The following DENND1B variants were observed in gnomAD, a reference collection of about 807,000 sequenced individuals.
DENND1B encodes DENN domain-containing protein 1B.
Under a neutral mutation model 90.1 loss-of-function variants are expected in DENND1B, and 59 were observed. The ratio of observed to expected loss-of-function variants is 0.65; its 90% CI spans 0.53 to 0.81. The LOEUF (loss-of-function observed/expected upper bound fraction) is 0.81. Among genes scored for constraint, DENND1B ranks in the 40% least tolerant of loss-of-function variants. The pLI, the probability that DENND1B is intolerant of heterozygous loss-of-function variation, is 0.00. For missense variants in DENND1B, 862 were observed against 912.6 expected, an observed-to-expected ratio of 0.94 and a Z score of 0.71; for synonymous variants, 337 against 324.6, an observed-to-expected ratio of 1.04 and a Z score of -0.41.
intron 10 of DENND1B, among the ~76,000 whole-genome samples, chr1:197,634,401 C>T (rs1235657944): frequency 6.6e-6 from 1 of 152,042 alleles, no homozygotes; most frequent in Non-Finnish European, 1.5e-5. Context: ...GTTAAGCATT[C>T]CTTAAATGAG....
At chr1:197,545,804 T>C (rs908317556) in intron 18 of DENND1B, 118 bp downstream of exon 18, 3 of 770,494 alleles carry the variant, frequency 3.9e-6, no homozygotes, top group Non-Finnish European at 5.9e-6. Context: ...TTAATCCTAA[T>C]TTTTTTTTAG....
chr1:197,735,545 C>G, intron 2 of DENND1B: 1 of 1,613,402 alleles, frequency 6.2e-7, no homozygotes, highest in South Asian at 1.1e-5. Context: ...ATTCCATTTA[C>G]AAAGTGTTCT....
At chr1:197,604,857 T>A (rs1320642909) in intron 13 of DENND1B, among the ~76,000 whole-genome samples, 13 of 151,044 alleles carry the variant, frequency 8.6e-5, no homozygotes, top group Admixed American at 8.6e-4. Flanking sequence ...TGATGCTTCA[T>A]CCTATTTCCA....
Position 197,504,779 on chromosome 1 carries a change from C to T in DENND1B, c.*5681G>A, listed in dbSNP as rs1026101843. ...TGTGACCAATTTTATTTTAGAACTGCATTTTTGGGTGTTTTATGGTAATGT... is the reference window on the plus strand; with the variant it reads ...TGTGACCAATTTTATTTTAGAACTGTATTTTTGGGTGTTTTATGGTAATGT... On this transcript the variant is annotated 3_prime_UTR_variant, in exon 23 of 23. Transcript: ENST00000620048. 1.8e-4 allele frequency: 28 copies of T among 151,848 alleles called. 1 individual carries two copies. Among genetic ancestry groups the T allele is most frequent in the African/African-American group, 6.3e-4 (26 of 41,476 alleles). The allele number at this position is 151,848 out of a possible 1,614,324, so 9.4% of individuals were successfully genotyped here.
chr1:197,517,343 T>C (rs1268242122), intron 20 of DENND1B, among the ~76,000 whole-genome samples: 2 of 151,906 alleles, frequency 1.3e-5, no homozygotes, highest in African/African-American at 2.4e-5. Flanking sequence ...CTTTCATTCA[T>C]TAGGTCCTGC....
At chr1:197,570,503 C>T (rs1024027033) in intron 15 of DENND1B, among the ~76,000 whole-genome samples, 1 of 151,906 alleles carries the variant, frequency 6.6e-6, no homozygotes, top group African/African-American at 2.4e-5. Flanking sequence ...TAAGATTTTT[C>T]AATTTATGTC....
At chr1:197,743,397 T>G (rs1168786765) in intron 2 of DENND1B, among the ~76,000 whole-genome samples, 1 of 46,880 alleles carries the variant, frequency 2.1e-5, no homozygotes, top group Non-Finnish European at 3.6e-5. Context: ...TCTTTAAAAA[T>G]GTAAAAAACC....
At chr1:197,662,242 G>A (rs1198098550) in intron 5 of DENND1B, among the ~76,000 whole-genome samples, 3 of 151,960 alleles carry the variant, frequency 2.0e-5, no homozygotes, top group South Asian at 2.1e-4. Context: ...TTAGTTATAC[G>A]TCCATCTAGG....
chr1:197,631,867 A>G (rs1416847402), intron 10 of DENND1B, among the ~76,000 whole-genome samples: 1 of 152,110 alleles, frequency 6.6e-6, no homozygotes, highest in East Asian at 1.9e-4. Context: ...TTATAAAGTG[A>G]AATTTGCTGT....
intron 11 of DENND1B, among the ~76,000 whole-genome samples, chr1:197,612,582 A>C (rs1488800174): frequency 1.3e-5 from 2 of 150,642 alleles, no homozygotes; most frequent in Non-Finnish European, 3.0e-5. Context: ...CCCCTCATGT[A>C]CATTGTCTTT....
In DENND1B at chr1:197,510,610, A is replaced by G. The variant is rs1219039981; in HGVS notation, c.2178T>C (p.Phe726=). 1 of 1,612,740 alleles carries G rather than the reference A, an allele frequency of 6.2e-7. No homozygotes were observed. Among genetic ancestry groups the G allele is most frequent in the Non-Finnish European group, 8.5e-7 (1 of 1,179,256 alleles). ...IPGLGRHSST[F]VPWEKEGKEA... is the part of the protein sequence containing the mutation. Reference sequence around the variant, plus strand: ...CTTTCCCTTCTTTCTCCCAAGGAACAAAAGTCGATGAATGCCGCCCAAGAC... The same window carrying G: ...CTTTCCCTTCTTTCTCCCAAGGAACGAAAGTCGATGAATGCCGCCCAAGAC... Residue 726 remains phenylalanine, a synonymous_variant, in exon 23 of 23, where the codon TTT becomes TTC. Coordinates refer to ENST00000620048, the MANE Select transcript of DENND1B (RefSeq NM_001195215.2).
At chr1:197,739,633 T>C (rs1281157877) in intron 2 of DENND1B, among the ~76,000 whole-genome samples, 12 of 152,182 alleles carry the variant, frequency 7.9e-5, no homozygotes, top group Admixed American at 7.9e-4. Flanking sequence ...GACTATTCTC[T>C]GTGAAAGACA....
At chr1:197,529,260 GTGTGTGTGTATATGTATATATGTATA>G (rs1356487826) in intron 20 of DENND1B, among the ~76,000 whole-genome samples, 10 of 61,572 alleles carry the variant, frequency 1.6e-4, no homozygotes, top group African/African-American at 4.4e-4. Context: ...GTGTGTGTGT[GTGTGTGTGTATATGTATATATGTATA>G]TATATGTATA....
At chr1:197,627,717 T>C (rs977969187) in intron 10 of DENND1B, among the ~76,000 whole-genome samples, 2 of 151,962 alleles carry the variant, frequency 1.3e-5, no homozygotes, top group Non-Finnish European at 2.9e-5. Flanking sequence ...GGTATTCAAT[T>C]AGGAAAAGAG....
chr1:197,754,349 A>T (rs1046806855), intron 2 of DENND1B, among the ~76,000 whole-genome samples: 5 of 152,168 alleles, frequency 3.3e-5, no homozygotes, highest in African/African-American at 1.2e-4. Context: ...AATGAGATAC[A>T]TACACAGTCG....
At chr1:197,626,722 A>G (rs1286227551) in intron 10 of DENND1B, among the ~76,000 whole-genome samples, 2 of 152,122 alleles carry the variant, frequency 1.3e-5, no homozygotes, top group African/African-American at 4.8e-5. Context: ...ACCCTTCAAA[A>G]AATTAATGAA....
At chr1:197,716,553 T>C (rs1056510059) in intron 2 of DENND1B, among the ~76,000 whole-genome samples, 10 of 151,852 alleles carry the variant, frequency 6.6e-5, no homozygotes, top group African/African-American at 2.4e-4. Context: ...TATATTTATA[T>C]GGCAGTTTTA....
chr1:197,647,221 T>A, intron 7 of DENND1B, 107 bp from the exon 8 acceptor site: 1 of 552,810 alleles, frequency 1.8e-6, no homozygotes, highest in East Asian at 3.6e-5. Context: ...AGTTAGCCAC[T>A]AAAAAATACT....
At chr1:197,599,306 G>C (rs1050839306) in intron 13 of DENND1B, among the ~76,000 whole-genome samples, 1 of 151,772 alleles carries the variant, frequency 6.6e-6, no homozygotes, top group Non-Finnish European at 1.5e-5. Flanking sequence ...GTGATTTCTA[G>C]ATATGCTTTT....
Sources: gnomAD v4.1 joint callset for allele counts (sites outside exome capture counted in the v4.1 genomes callset) on GRCh38, gnomAD v4.1.1 for gene constraint, MANE v1.5 for transcripts, NCBI Gene and HGNC (gene_info 2026-07-23, HGNC 2026-07-21) for gene names.